The following SMC1A variants were observed in gnomAD, a reference collection of about 807,000 sequenced individuals.
The protein encoded by SMC1A is structural maintenance of chromosomes 1A, also known as structural maintenance of chromosomes protein 1A.
A neutral mutation model predicts 94.5 loss-of-function variants in SMC1A; 4 were observed. The observed-to-expected ratio is 0.04, with a 90% CI of 0.02 to 0.10. The LOEUF (loss-of-function observed/expected upper bound fraction) is 0.10, where lower values mean the gene tolerates loss of function less well. SMC1A is among the 10% of genes least tolerant of loss of function. The pLI is 1.00. For synonymous variants in SMC1A, 345 were observed against 347.7 expected (o/e 0.99, Z 0.09); for missense variants, 304 against 989.0 (o/e 0.31, Z 9.29).
chrX:53,394,740 A>ACCCCCCCCCCCCCCCCCCC, intron 19 of SMC1A, 38 bp downstream of exon 19: 1 of 351,503 alleles, frequency 2.8e-6, no homozygotes, highest in Non-Finnish European at 5.1e-6. Context: ...CTCCCACCCA[A>ACCCCCCCCCCCCCCCCCCC]CCCCCACCCC....
At chrX:53,414,094 C>T (rs868958914) in intron 3 of SMC1A, among the ~76,000 whole-genome samples, 4 of 85,809 alleles carry the variant, frequency 4.7e-5, no homozygotes, top group African/African-American at 1.7e-4. Flanking sequence ...AAAAAAAAAA[C>T]AAGAACAAAA....
intron 19 of SMC1A, 38 bp downstream of exon 19, chrX:53,394,740 A>ACCCCCCCCCCCCCCCC: frequency 1.1e-5 from 4 of 351,501 alleles, no homozygotes; most frequent in Non-Finnish European, 2.0e-5. Context: ...CTCCCACCCA[A>ACCCCCCCCCCCCCCCC]CCCCCACCCC....
At chrX:53,392,790 A>G (rs937240291) in intron 19 of SMC1A, among the ~76,000 whole-genome samples, 7 of 111,433 alleles carry the variant, frequency 6.3e-5, no homozygotes, top group African/African-American at 1.3e-4. Flanking sequence ...AGTGTTTCTG[A>G]TAGTGTTCCC....
rs1556888541 is a variant in SMC1A at position 53,399,573 on chromosome X, TTC to T, written c.2562+14_2562+15del. On this transcript the variant is annotated intron_variant, in intron 16 of 24. Transcript: ENST00000322213. ...TCCCAGTTATTAGTCTGTCTTTTAA[TTC>T]TTTCCTTCCTTACCTTTTTGAGCTT... is the stretch of plus-strand genomic sequence containing the variant. 1 of 1,201,173 alleles carries T rather than the reference TTC, an allele frequency of 8.3e-7. No individual in the cohort carries two copies. The highest frequency in any genetic ancestry group is 1.1e-6 in the Non-Finnish European group (1 of 886,818).
intron 16 of SMC1A, 98 bp from the exon 17 acceptor site, chrX:53,396,715 T>C: frequency 1.1e-6 from 1 of 950,199 alleles, no homozygotes; most frequent in African/African-American, 1.9e-5. Context: ...GGCAGTTTAT[T>C]GGAGTCACTC....
chrX:53,394,842 G>A lies in SMC1A; in HGVS notation c.2909C>T (p.Ser970Phe). The A allele has an allele frequency of 8.3e-7, 1 of 1,203,846 alleles. No individual in the cohort carries two copies. The highest frequency in any genetic ancestry group is 1.1e-6 in the Non-Finnish European group (1 of 889,662). Reference protein sequence around the residue: ...EDSVSGSQRISSIYAREALIE... With the variant: ...EDSVSGSQRIFSIYAREALIE... The stretch of plus-strand genomic sequence containing the variant: ...GAGGGCCTCTCGTGCATAGATACTG[G>A]AAATTCTCTGTGAACCACTCACTGA... Residue 970 changes from serine (S) to phenylalanine (F), a missense_variant, in exon 19 of 25, where the codon TCC becomes TTC. By Grantham distance (155) the Ser-to-Phe change is radical. Around this residue, in one of 11 missense-constraint regions of SMC1A, gnomAD observed 22 missense variants for 17.5 expected, o/e 1.26. Coordinates refer to ENST00000322213, the MANE Select transcript of SMC1A (RefSeq NM_006306.4).
At chrX:53,418,564 A>G (rs1257769978) in intron 1 of SMC1A, among the ~76,000 whole-genome samples, 1 of 112,068 alleles carries the variant, frequency 8.9e-6, no homozygotes, top group Non-Finnish European at 1.9e-5. Context: ...CCTCCCAAGT[A>G]GCGGGAAGCA....
Position 53,377,643 on chromosome X carries a change from T to A in SMC1A, c.*2460A>T, listed in dbSNP as rs2075564961. 1 of 111,839 alleles carries A rather than the reference T, an allele frequency of 8.9e-6. No homozygotes were observed. Among genetic ancestry groups the A allele is most frequent in the South Asian group, 3.7e-4 (1 of 2,676 alleles). 9.2% of individuals were successfully genotyped at this position (111,839 alleles called of 1,213,427 possible). On this transcript the variant is annotated 3_prime_UTR_variant, in exon 25 of 25. Transcript: ENST00000322213. Reference sequence around the variant, plus strand: ...TTGGAAGACCTGGGTTCAAACCTTTTTGGGCCTCAGTTTCCTTATCTGTAA... The same window carrying A: ...TTGGAAGACCTGGGTTCAAACCTTTATGGGCCTCAGTTTCCTTATCTGTAA...
At position 53,409,246 on chromosome X, in the gene SMC1A, T is replaced by C; in HGVS notation, c.1361A>G (p.Lys454Arg). Residue 454 changes from lysine to arginine, a missense_variant, in exon 9 of 25, where the codon AAG (lysine) becomes AGG (arginine). This residue lies in a region of SMC1A where 120 missense variants were observed against 314.9 expected (regional missense o/e 0.38). Coordinates refer to ENST00000322213, the MANE Select transcript of SMC1A (RefSeq NM_006306.4). ...TSKQSLEEQK[K>R]LEGELTEEVE... is the part of the protein sequence containing the mutation. ...CTCCTCTGTCAGCTCCCCCTCTAGCTTCTTCTGCTCTTCTAGGGACTGCCT... is the reference window on the plus strand; with the variant it reads ...CTCCTCTGTCAGCTCCCCCTCTAGCCTCTTCTGCTCTTCTAGGGACTGCCT... 8.3e-7 allele frequency: 1 copy of C among 1,208,773 alleles called. No homozygotes were observed. Among genetic ancestry groups the C allele is most frequent in the Non-Finnish European group, 1.1e-6 (1 of 893,868 alleles).
chrX:53,412,028 A>G lies in SMC1A; in HGVS notation c.1080T>C (p.Ser360=), dbSNP rs1299162510. 2.5e-6 allele frequency: 3 copies of G among 1,208,443 alleles called. No individual in the cohort carries two copies. Among genetic ancestry groups the G allele is most frequent in the African/African-American group, 3.5e-5 (2 of 56,848 alleles). ...FEERMEEESQ[S]QGRDLTLEEN... is the part of the protein sequence containing the mutation. Reference sequence around the variant, plus strand: ...CCTCCAACGTCAAATCTCTGCCCTGACTCTGACTCTCTTCTTCCATCCGTT... The same window carrying G: ...CCTCCAACGTCAAATCTCTGCCCTGGCTCTGACTCTCTTCTTCCATCCGTT... The change falls in exon 6 of 25, where the codon AGT becomes AGC. Residue 360 remains serine, a synonymous_variant. Transcript: ENST00000322213.
At chrX:53,410,451 G>A (rs1437452908) in intron 7 of SMC1A, among the ~76,000 whole-genome samples, 1 of 110,353 alleles carries the variant, frequency 9.1e-6, no homozygotes, top group Non-Finnish European at 1.9e-5. Flanking sequence ...AATTTAGCCA[G>A]GTGTGGTGGC....
intron 13 of SMC1A, among the ~76,000 whole-genome samples, chrX:53,404,229 T>C (rs981518281): frequency 9.0e-6 from 1 of 110,500 alleles, no homozygotes; most frequent in Non-Finnish European, 1.9e-5. Context: ...GATATATAAA[T>C]ACACACACTA....
chrX:53,385,478 G>A (rs1407611325), intron 19 of SMC1A, among the ~76,000 whole-genome samples: 2 of 108,240 alleles, frequency 1.8e-5, no homozygotes, highest in Non-Finnish European at 3.8e-5. Context: ...GTTTCACCGT[G>A]TTAGCCAGGA....
chrX:53,396,959 C>T (rs2075653497), intron 16 of SMC1A, among the ~76,000 whole-genome samples: 1 of 111,667 alleles, frequency 9.0e-6, no homozygotes, highest in Non-Finnish European at 1.9e-5. Flanking sequence ...ATAGTTGAGA[C>T]TAGACTGTAA....
intron 16 of SMC1A, among the ~76,000 whole-genome samples, chrX:53,398,297 A>G (rs782753133): frequency 3.6e-5 from 4 of 111,561 alleles, no homozygotes; most frequent in Admixed American, 9.6e-5. Context: ...AAGTCAAACA[A>G]TAAGTTCAAA....
intron 1 of SMC1A, among the ~76,000 whole-genome samples, 173 bp downstream of exon 1, chrX:53,422,319 G>A (rs782061053): frequency 8.9e-6 from 1 of 112,335 alleles, no homozygotes; most frequent in Non-Finnish European, 1.9e-5. Flanking sequence ...AGGGGTTCGA[G>A]TTAGAGCACC....
chrX:53,382,947 A>T, intron 20 of SMC1A, 150 bp downstream of exon 20: 1 of 598,858 alleles, frequency 1.7e-6, no homozygotes, highest in Non-Finnish European at 2.6e-6. Context: ...TCTATAAAGC[A>T]GGTGTAATAA....
chrX:53,416,316 A>T (rs1464400027), intron 1 of SMC1A, among the ~76,000 whole-genome samples: 35 of 106,361 alleles, frequency 3.3e-4, no homozygotes, highest in African/African-American at 1.0e-3. Flanking sequence ...AAAAAAAAAT[A>T]AAATAAAATA....
At chrX:53,400,240 C>T (rs972747238) in intron 15 of SMC1A, among the ~76,000 whole-genome samples, 36 of 111,693 alleles carry the variant, frequency 3.2e-4, no homozygotes, top group Non-Finnish European at 2.4e-4. Flanking sequence ...ACATGTGAGA[C>T]TGAAACCCAG....
Sources: allele counts gnomAD v4.1 joint callset (sites outside exome capture counted in the v4.1 genomes callset), GRCh38; gene constraint gnomAD v4.1.1; regional missense constraint gnomAD v4.1.1; transcripts MANE v1.5; gene names NCBI Gene and HGNC (gene_info 2026-07-23, HGNC 2026-07-21).